The following DOCK2 variants were observed in gnomAD, a reference collection of about 807,000 sequenced individuals.
The protein encoded by DOCK2 is dedicator of cytokinesis protein 2.
In DOCK2, 87 loss-of-function variants were observed where a neutral mutation model predicts 248.9. The observed-to-expected ratio is 0.35, with a 90% CI of 0.29 to 0.42. DOCK2 has a LOEUF of 0.42. Ranked by LOEUF, DOCK2 falls within the 10% of genes least tolerant of loss-of-function variation. The pLI, the probability that DOCK2 is intolerant of heterozygous loss-of-function variation, is 1.00. For synonymous variants in DOCK2, 805 were observed against 821.6 expected (o/e 0.98, Z 0.35); for missense variants, 1,747 against 2,300.2 (o/e 0.76, Z 4.92).
intron 47 of DOCK2, among the ~76,000 whole-genome samples, chr5:170,077,082 A>T (rs1249312181): frequency 3.3e-5 from 5 of 152,246 alleles, no homozygotes; most frequent in African/African-American, 9.6e-5. Flanking sequence ...ATTTCAGTTT[A>T]TGATACAAAT....
intron 33 of DOCK2, among the ~76,000 whole-genome samples, chr5:170,020,471 A>G (rs1755683193): frequency 1.3e-5 from 2 of 152,246 alleles, no homozygotes; most frequent in Admixed American, 1.3e-4. Flanking sequence ...TGATGATTAT[A>G]ATGACTGACT....
At chr5:169,681,983 C>T in intron 7 of DOCK2, 104 bp downstream of exon 7, 4 of 1,489,160 alleles carry the variant, frequency 2.7e-6, no homozygotes, top group Non-Finnish European at 3.6e-6. Flanking sequence ...ATTCAAGGGG[C>T]ATCTGTCTAT....
At chr5:170,000,344 T>C (rs1293423692) in intron 30 of DOCK2, 4 of 152,224 alleles carry the variant, frequency 2.6e-5, no homozygotes, top group Admixed American at 1.3e-4. Flanking sequence ...GGTTGTGATA[T>C]ACCCATTTCC....
At chr5:169,963,513 A>G (rs550361717) in intron 27 of DOCK2, among the ~76,000 whole-genome samples, 2 of 152,202 alleles carry the variant, frequency 1.3e-5, no homozygotes, top group East Asian at 3.9e-4. Context: ...ACAATTGTGC[A>G]TGTCCCTTAG....
chr5:169,693,878 T>G (rs1243441316), intron 9 of DOCK2, among the ~76,000 whole-genome samples: 1 of 152,214 alleles, frequency 6.6e-6, no homozygotes, highest in Non-Finnish European at 1.5e-5. Flanking sequence ...GTTTTTGCTC[T>G]TAAGACCTTC....
chr5:169,835,535 A>G lies in DOCK2; in HGVS notation c.2704-5222A>G, dbSNP rs1264728457. ...CTCCCAAAGTGCTGGGATTACAGGCATGAGTCAGCGGGCCTGGCCAAAATG... is the reference window on the plus strand; with the variant it reads ...CTCCCAAAGTGCTGGGATTACAGGCGTGAGTCAGCGGGCCTGGCCAAAATG... On this transcript the variant is annotated intron_variant, in intron 26 of 51. Transcript: ENST00000520908. Among the ~76,000 whole-genome samples, 4 of 152,120 alleles carry G rather than the reference A, an allele frequency of 2.6e-5. No individual in the cohort carries two copies. In the East Asian group the frequency reaches 7.7e-4, roughly 29 times the overall value.
chr5:169,824,142 A>G (rs925280078), intron 26 of DOCK2, among the ~76,000 whole-genome samples: 4 of 152,194 alleles, frequency 2.6e-5, no homozygotes, highest in Non-Finnish European at 5.9e-5. Flanking sequence ...AAATGGAAGA[A>G]CATTCCATGC....
At chr5:169,647,944 C>T (rs1021676925) in intron 1 of DOCK2, among the ~76,000 whole-genome samples, 6 of 152,160 alleles carry the variant, frequency 3.9e-5, no homozygotes, top group African/African-American at 1.2e-4. Context: ...CCCCACTTTT[C>T]TAGCTGCAGG....
At chr5:170,055,509 T>G in intron 42 of DOCK2, 123 bp downstream of exon 42, 1 of 817,456 alleles carries the variant, frequency 1.2e-6, no homozygotes, top group African/African-American at 1.7e-5. Context: ...TAGCCAGTTT[T>G]TCCCCCCTTT....
At chr5:169,963,489 G>T (rs1055608426) in intron 27 of DOCK2, among the ~76,000 whole-genome samples, 2 of 152,090 alleles carry the variant, frequency 1.3e-5, no homozygotes, top group African/African-American at 4.8e-5. Flanking sequence ...GGTCACTGCT[G>T]ATATTCTCAT....
intron 25 of DOCK2, among the ~76,000 whole-genome samples, chr5:169,771,629 A>T (rs2113771873): frequency 6.6e-6 from 1 of 152,148 alleles, no homozygotes; most frequent in Admixed American, 6.5e-5. Flanking sequence ...GATCTATAGG[A>T]TATTTAATAT....
At chr5:169,740,707 C>T (rs1763261026) in intron 22 of DOCK2, among the ~76,000 whole-genome samples, 2 of 152,236 alleles carry the variant, frequency 1.3e-5, no homozygotes, top group East Asian at 3.8e-4. Flanking sequence ...TGTAGTCATC[C>T]TAACCGTTCC....
At chr5:169,733,674 TTCTGAAAC>T (rs1296244653) in intron 22 of DOCK2, among the ~76,000 whole-genome samples, 2 of 152,138 alleles carry the variant, frequency 1.3e-5, no homozygotes, top group Admixed American at 1.3e-4. Context: ...TCTGATTTTA[TTCTGAAAC>T]TCGAAAGGAA....
chr5:169,694,178 C>A (rs1022563840), intron 9 of DOCK2, among the ~76,000 whole-genome samples: 1 of 152,214 alleles, frequency 6.6e-6, no homozygotes, highest in African/African-American at 2.4e-5. Context: ...CAGGGGATGG[C>A]AGCTGTGCCT....
intron 27 of DOCK2, among the ~76,000 whole-genome samples, chr5:169,957,263 A>G (rs1162028981): frequency 1.3e-5 from 2 of 152,258 alleles, no homozygotes; most frequent in Non-Finnish European, 2.9e-5. Flanking sequence ...GCCTTTAGCC[A>G]GGGACTTAAC....
intron 25 of DOCK2, among the ~76,000 whole-genome samples, chr5:169,802,776 T>G (rs1767077607): frequency 6.6e-6 from 1 of 152,208 alleles, no homozygotes; most frequent in South Asian, 2.1e-4. Flanking sequence ...ATATTTCATA[T>G]GGCACATTTT....
chr5:170,045,403 A>G (rs1756671001), intron 38 of DOCK2, among the ~76,000 whole-genome samples: 1 of 152,162 alleles, frequency 6.6e-6, no homozygotes, highest in African/African-American at 2.4e-5. Flanking sequence ...CAGGGACTGA[A>G]GAGCAAGGCC....
intron 22 of DOCK2, among the ~76,000 whole-genome samples, chr5:169,747,058 G>T (rs1763652102): frequency 6.6e-6 from 1 of 152,184 alleles, no homozygotes; most frequent in East Asian, 1.9e-4. Flanking sequence ...AAAATCTGAT[G>T]ATCACAATCT....
chr5:169,883,246 T>G, intron 27 of DOCK2: 1 of 1,551,620 alleles, frequency 6.4e-7, no homozygotes, highest in Non-Finnish European at 8.7e-7. Context: ...GAGAGCAGAC[T>G]CTCTAGCTTC....
Sources: allele counts gnomAD v4.1 joint callset (sites outside exome capture counted in the v4.1 genomes callset), GRCh38; gene constraint gnomAD v4.1.1; transcripts MANE v1.5; gene names NCBI Gene and HGNC (gene_info 2026-07-23, HGNC 2026-07-21).